The following DMD variants were observed in gnomAD, a reference collection of about 807,000 sequenced individuals.
DMD encodes mutant dystrophin.
DMD carries 63 observed loss-of-function variants against 330.1 expected under a neutral mutation model. The ratio of observed to expected loss-of-function variants is 0.19; its 90% CI spans 0.16 to 0.24. The LOEUF is 0.24. DMD is among the 10% of genes least tolerant of loss of function. The probability of loss-of-function intolerance (pLI) is 1.00; values close to 1 mark genes in which losing one functional copy is unlikely to be tolerated. For missense variants in DMD, 3,344 were observed against 2,684.1 expected (o/e 1.25, Z -5.43); for synonymous variants, 1,223 against 959.8 (o/e 1.27, Z -5.07).
intron 2 of DMD, among the ~76,000 whole-genome samples, chrX:32,878,241 A>G (rs918282592): frequency 2.1e-4 from 23 of 110,490 alleles, no homozygotes; most frequent in Non-Finnish European, 3.8e-4. Flanking sequence ...AGCCGGGTGT[A>G]GTGGCGGGCG....
chrX:31,580,807 T>TC (rs1556702963), intron 55 of DMD, among the ~76,000 whole-genome samples: 1 of 110,601 alleles, frequency 9.0e-6, no homozygotes, highest in Non-Finnish European at 1.9e-5. Context: ...TAATTTCTCT[T>TC]TCTCTCTCTC....
At chrX:31,146,139 T>G (rs1316047108) in intron 76 of DMD, 152 bp downstream of exon 76, 2 of 692,064 alleles carry the variant, frequency 2.9e-6, no homozygotes, top group Non-Finnish European at 4.5e-6. Flanking sequence ...TTTTAGAATT[T>G]TCTTTTTAGA....
chrX:33,107,217 C>A (rs2095296199), intron 1 of DMD, among the ~76,000 whole-genome samples: 1 of 106,464 alleles, frequency 9.4e-6, no homozygotes, highest in Non-Finnish European at 1.9e-5. Context: ...GAGGCTGAGG[C>A]AGAAGAATCT....
intron 7 of DMD, among the ~76,000 whole-genome samples, chrX:32,802,313 G>A (rs757103098): frequency 2.0e-4 from 22 of 111,304 alleles, no homozygotes; most frequent in South Asian, 3.8e-4. Context: ...GTTTATTATC[G>A]GTGTATAGGA....
chrX:31,562,814 GC>G (rs1195291175), intron 55 of DMD, among the ~76,000 whole-genome samples: 1 of 111,021 alleles, frequency 9.0e-6, no homozygotes, highest in East Asian at 2.8e-4. Flanking sequence ...TTTCCTTATA[GC>G]TTTTGAGTTT....
At chrX:32,093,755 T>C (rs2096489590) in intron 44 of DMD, among the ~76,000 whole-genome samples, 1 of 111,167 alleles carries the variant, frequency 9.0e-6, no homozygotes, top group Non-Finnish European at 1.9e-5. Context: ...GCCTCTAGAA[T>C]TAAGACAATG....
chrX:31,530,442 G>A (rs1176676567), intron 55 of DMD, among the ~76,000 whole-genome samples: 3 of 111,122 alleles, frequency 2.7e-5, no homozygotes, highest in African/African-American at 6.6e-5. Flanking sequence ...CCTTGTCTGC[G>A]GCTGTATCTC....
chrX:32,827,533 G>A (rs1043971470), intron 4 of DMD, among the ~76,000 whole-genome samples: 3 of 111,133 alleles, frequency 2.7e-5, no homozygotes, highest in African/African-American at 6.5e-5. Context: ...CATCGCCCAG[G>A]TAATAAGTAT....
At chrX:32,461,407 A>T (rs1275008245) in intron 25 of DMD, among the ~76,000 whole-genome samples, 1 of 111,382 alleles carries the variant, frequency 9.0e-6, no homozygotes, top group African/African-American at 3.3e-5. Flanking sequence ...TGATACTTGT[A>T]GGAAAAGCAC....
chrX:31,709,144 T>C (rs2148901210), intron 52 of DMD, among the ~76,000 whole-genome samples: 1 of 111,407 alleles, frequency 9.0e-6, no homozygotes, highest in South Asian at 3.8e-4. Flanking sequence ...TGGTGGTACA[T>C]GTCTGTAGTC....
chrX:31,938,501 A>T (rs758127515), intron 45 of DMD, among the ~76,000 whole-genome samples: 2 of 111,863 alleles, frequency 1.8e-5, no homozygotes, highest in Admixed American at 1.9e-4. Flanking sequence ...ACACTTCTTC[A>T]TTCATATTTC....
chrX:32,840,523 T>G (rs1447779471), intron 4 of DMD, among the ~76,000 whole-genome samples: 1 of 111,414 alleles, frequency 9.0e-6, no homozygotes, highest in Non-Finnish European at 1.9e-5. Context: ...TAAATACACA[T>G]GTGTAACAGC....
At chrX:32,172,290 G>A in intron 44 of DMD, among the ~76,000 whole-genome samples, 1 of 111,681 alleles carries the variant, frequency 9.0e-6, no homozygotes, top group Non-Finnish European at 1.9e-5. Flanking sequence ...ATAATGATAT[G>A]AGCAAAAAGG....
chrX:31,884,496 G>C (rs185783978), intron 47 of DMD, among the ~76,000 whole-genome samples: 28 of 111,109 alleles, frequency 2.5e-4, no homozygotes, highest in Non-Finnish European at 5.1e-4. Context: ...CTGGGGGTGG[G>C]GTGATTTGGG....
In DMD at chrX:31,301,501, T is replaced by C. The variant is rs73617074; in HGVS notation, c.9224+22097A>G. ...ACACAGTGAAGGGGAAAGTCCTACA[T>C]ACTCTCAAATAACTAGATCTCTTGA... is the stretch of plus-strand genomic sequence containing the variant. On this transcript the variant is annotated intron_variant, in intron 62 of 78. Coordinates refer to ENST00000357033, the MANE Select transcript of DMD (RefSeq NM_004006.3). 3.6e-3 allele frequency among the ~76,000 whole-genome samples: 402 copies of C among 111,232 alleles called. 1 individual carries two copies. Among genetic ancestry groups the C allele is most frequent in the African/African-American group, 0.012 (377 of 30,576 alleles).
chrX:32,250,519 G>A (rs190674890), intron 43 of DMD, among the ~76,000 whole-genome samples: 88 of 111,878 alleles, frequency 7.9e-4, no homozygotes, highest in African/African-American at 2.8e-3. Context: ...GGGTCAAAAG[G>A]AAATTAATGA....
intron 9 of DMD, among the ~76,000 whole-genome samples, chrX:32,665,757 C>A: frequency 8.9e-6 from 1 of 112,172 alleles, no homozygotes; most frequent in Middle Eastern, 4.6e-3. Flanking sequence ...ACTACTAAGA[C>A]CTTGTCAAGT....
chrX:31,946,765 T>G (rs976132442), intron 45 of DMD, among the ~76,000 whole-genome samples: 1 of 110,732 alleles, frequency 9.0e-6, no homozygotes, highest in Non-Finnish European at 1.9e-5. Flanking sequence ...AGGAGAAAAT[T>G]TCTCTGTATG....
intron 60 of DMD, among the ~76,000 whole-genome samples, chrX:31,351,550 A>G (rs1231190679): frequency 1.8e-5 from 2 of 108,726 alleles, no homozygotes; most frequent in Admixed American, 9.9e-5. Flanking sequence ...ACATGATGAA[A>G]CGCAGTCTCT....
Sources: gnomAD v4.1 joint callset for allele counts (sites outside exome capture counted in the v4.1 genomes callset) on GRCh38, gnomAD v4.1.1 for gene constraint, MANE v1.5 for transcripts, NCBI Gene and HGNC (gene_info 2026-07-23, HGNC 2026-07-21) for gene names.